The following SPAG16 variants were observed in gnomAD, a reference collection of about 807,000 sequenced individuals.
SPAG16 encodes the protein sperm associated antigen 16.
A neutral mutation model predicts 80.4 loss-of-function variants in SPAG16; 86 were observed. The ratio of observed to expected loss-of-function variants is 1.07; its 90% CI spans 0.90 to 1.28. The LOEUF (loss-of-function observed/expected upper bound fraction) is 1.28, where lower values mean the gene tolerates loss of function less well. SPAG16 is among the 50% of genes most tolerant of loss of function. The pLI is 0.00. For missense variants in SPAG16, 870 were observed against 765.3 expected, an observed-to-expected ratio of 1.14 and a Z score of -1.61; for synonymous variants, 294 against 265.9, an observed-to-expected ratio of 1.11 and a Z score of -1.03.
At chr2:213,951,698 G>A (rs1191215010) in intron 12 of SPAG16, among the ~76,000 whole-genome samples, 1 of 152,072 alleles carries the variant, frequency 6.6e-6, no homozygotes, top group African/African-American at 2.4e-5. Context: ...AAATAAGAAA[G>A]GATAAACATT....
At chr2:213,588,394 G>A (rs988768392) in intron 10 of SPAG16, among the ~76,000 whole-genome samples, 4 of 151,276 alleles carry the variant, frequency 2.6e-5, no homozygotes, top group Non-Finnish European at 4.4e-5. Context: ...GACAAAGACC[G>A]TTAGAAAGCT....
At chr2:213,637,459 T>A (rs1243395028) in intron 10 of SPAG16, among the ~76,000 whole-genome samples, 1 of 152,182 alleles carries the variant, frequency 6.6e-6, no homozygotes, top group African/African-American at 2.4e-5. Context: ...CTTCATAGAA[T>A]GATTTAGGGA....
chr2:213,396,458 A>G, intron 9 of SPAG16: 1 of 209,010 alleles, frequency 4.8e-6, no homozygotes, highest in Non-Finnish European at 1.0e-5. Context: ...TTGCTCTTGT[A>G]TATGATATCT....
chr2:213,531,354 A>T (rs1483706906), intron 10 of SPAG16, among the ~76,000 whole-genome samples: 1 of 92,014 alleles, frequency 1.1e-5, no homozygotes, highest in African/African-American at 3.9e-5. Flanking sequence ...ATTAAAAAAG[A>T]TGTGAGTGTG....
chr2:214,022,157 A>G (rs1030273493), intron 13 of SPAG16, among the ~76,000 whole-genome samples: 1 of 152,168 alleles, frequency 6.6e-6, no homozygotes, highest in Admixed American at 6.6e-5. Context: ...CCATAAAAAG[A>G]CAAGCCTTAC....
chr2:214,174,975 A>T (rs1261347932), intron 15 of SPAG16, among the ~76,000 whole-genome samples: 1 of 151,574 alleles, frequency 6.6e-6, no homozygotes, highest in Non-Finnish European at 1.5e-5. Context: ...GCCATTTTCG[A>T]GCCACAACTC....
intron 15 of SPAG16, among the ~76,000 whole-genome samples, chr2:214,190,575 T>C (rs1009106485): frequency 1.3e-5 from 2 of 152,146 alleles, no homozygotes; most frequent in African/African-American, 4.8e-5. Context: ...GTATATGATA[T>C]ATCATCACAG....
intron 10 of SPAG16, among the ~76,000 whole-genome samples, chr2:213,841,793 T>G (rs1400052134): frequency 6.6e-6 from 1 of 152,136 alleles, no homozygotes. Flanking sequence ...TATATCAATG[T>G]TTTGGGGCTT....
At chr2:214,340,979 G>C (rs1697644661) in intron 15 of SPAG16, among the ~76,000 whole-genome samples, 1 of 152,136 alleles carries the variant, frequency 6.6e-6, no homozygotes, top group African/African-American at 2.4e-5. Flanking sequence ...GATAATAAAA[G>C]AAAATTTGTT....
At chr2:214,088,455 A>G (rs1246373886) in intron 13 of SPAG16, among the ~76,000 whole-genome samples, 5 of 152,152 alleles carry the variant, frequency 3.3e-5, no homozygotes, top group African/African-American at 1.2e-4. Flanking sequence ...TACATTCTAG[A>G]AGGACATTTT....
At chr2:214,145,584 C>G (rs2112015) in intron 14 of SPAG16, among the ~76,000 whole-genome samples, 148,780 of 152,170 alleles carry the variant, frequency 0.98, 72,812 homozygotes, top group East Asian at 1. Context: ...AACTTCATGT[C>G]TATATGGTTT....
rs193214127 is a variant in SPAG16 at position 214,288,136 on chromosome 2, A to G, written c.1721-122004A>G. Among the ~76,000 whole-genome samples the G allele has an allele frequency of 1.8e-3, 278 of 152,034 alleles. 2 individuals are homozygous for G. The highest frequency in any genetic ancestry group is 6.1e-3 in the African/African-American group (252 of 41,470). On this transcript the variant is annotated intron_variant, in intron 15 of 15. Coordinates refer to ENST00000331683, the MANE Select transcript of SPAG16 (RefSeq NM_024532.5). ...TCTATTCTCTGTCTCCATGAGATCA[A>G]CTTTTTTAGCTCCCACGTATGCATG...
intron 15 of SPAG16, among the ~76,000 whole-genome samples, chr2:214,155,998 A>G (rs2056197353): frequency 6.6e-6 from 1 of 152,162 alleles, no homozygotes; most frequent in Admixed American, 6.5e-5. Context: ...TATTCTAATA[A>G]TTGTATTTGG....
At chr2:213,665,532 T>G (rs1193740798) in intron 10 of SPAG16, among the ~76,000 whole-genome samples, 1 of 152,148 alleles carries the variant, frequency 6.6e-6, no homozygotes, top group Non-Finnish European at 1.5e-5. Flanking sequence ...TCTGAGATTG[T>G]TCAGATGGTA....
chr2:213,999,371 G>T (rs1043366935), intron 12 of SPAG16, among the ~76,000 whole-genome samples: 1 of 152,194 alleles, frequency 6.6e-6, no homozygotes, highest in Non-Finnish European at 1.5e-5. Context: ...GCTTCCACGT[G>T]GTGTTGAGCC....
intron 10 of SPAG16, among the ~76,000 whole-genome samples, chr2:213,730,828 C>G (rs1218107840): frequency 6.6e-6 from 1 of 152,106 alleles, no homozygotes; most frequent in Admixed American, 6.5e-5. Context: ...TGTTCCTTAG[C>G]TCCTCAATGT....
At chr2:213,306,595 T>C (rs912992023) in intron 3 of SPAG16, among the ~76,000 whole-genome samples, 1 of 151,600 alleles carries the variant, frequency 6.6e-6, no homozygotes, top group African/African-American at 2.4e-5. Context: ...CTTTAGCCCG[T>C]GGTGGTGAGG....
At chr2:214,184,951 C>A (rs1318260244) in intron 15 of SPAG16, among the ~76,000 whole-genome samples, 1 of 150,838 alleles carries the variant, frequency 6.6e-6, no homozygotes, top group Non-Finnish European at 1.5e-5. Flanking sequence ...TTTTTTTTTG[C>A]TTTTGCATTT....
intron 14 of SPAG16, among the ~76,000 whole-genome samples, chr2:214,122,086 T>C (rs1576277928): frequency 1.3e-5 from 2 of 151,876 alleles, no homozygotes; most frequent in East Asian, 1.9e-4. Flanking sequence ...ATATGTATAA[T>C]ATAAATTCCT....
Sources: gnomAD v4.1 joint callset for allele counts (sites outside exome capture counted in the v4.1 genomes callset) on GRCh38, gnomAD v4.1.1 for gene constraint, MANE v1.5 for transcripts, NCBI Gene and HGNC (gene_info 2026-07-23, HGNC 2026-07-21) for gene names.